Variants in GPBP1L1 observed in about 807,000 individuals in gnomAD.
The protein encoded by GPBP1L1 is GC-rich promoter binding protein 1 like 1, also known as vasculin-like protein 1.
Under a neutral mutation model 52.5 loss-of-function variants are expected in GPBP1L1, and 23 were observed. That is an observed-to-expected ratio of 0.44 (90% CI 0.32 to 0.62). The LOEUF is 0.62. Among genes scored for constraint, GPBP1L1 ranks in the 20% least tolerant of loss-of-function variants. The pLI is 0.06. For missense variants in GPBP1L1, 596 were observed against 579.3 expected (o/e 1.03, Z -0.30); for synonymous variants, 243 against 203.1 (o/e 1.20, Z -1.67).
chr1:45,667,195 T>A (rs867296087), intron 2 of GPBP1L1, among the ~76,000 whole-genome samples: 33 of 152,348 alleles, frequency 2.2e-4, no homozygotes, highest in African/African-American at 7.5e-4. Context: ...TGGTAAATCT[T>A]GTATTTTCCC....
intron 4 of GPBP1L1, among the ~76,000 whole-genome samples, chr1:45,658,431 T>G (rs1002703599): frequency 4.6e-5 from 7 of 152,000 alleles, no homozygotes; most frequent in African/African-American, 1.7e-4. Flanking sequence ...AACTGTGTCA[T>G]GTAATGAGAA....
At chr1:45,653,232 T>A (rs921729282) in intron 6 of GPBP1L1, among the ~76,000 whole-genome samples, 1 of 152,194 alleles carries the variant, frequency 6.6e-6, no homozygotes, top group African/African-American at 2.4e-5. Context: ...GACTGATCGA[T>A]GTGCTACTTA....
chr1:45,634,692 G>T (rs12091360), intron 8 of GPBP1L1: 1,779 of 153,126 alleles, frequency 0.012, 26 homozygotes, highest in African/African-American at 0.037. Context: ...TCACAAAATT[G>T]CTGCTTTCCA....
intron 7 of GPBP1L1, chr1:45,641,923 C>A (rs1230470876): frequency 6.6e-6 from 1 of 152,376 alleles, no homozygotes. Context: ...GTGGCTCATG[C>A]CTGTAATCCC....
intron 10 of GPBP1L1, chr1:45,630,877 C>A: frequency 2.5e-6 from 1 of 395,926 alleles, no homozygotes; most frequent in African/African-American, 2.0e-5. Context: ...CAAGACTTAC[C>A]ACAAAAGCTG....
intron 6 of GPBP1L1, chr1:45,645,784 A>AG: frequency 4.5e-6 from 1 of 220,040 alleles, no homozygotes; most frequent in Non-Finnish European, 8.5e-6. Flanking sequence ...TTTTTTTTTG[A>AG]GGCATTTTAT....
Position 45,635,370 on chromosome 1 carries a change from T to C in GPBP1L1, c.745-1134A>G, listed in dbSNP as rs768065159. On this transcript the variant is annotated intron_variant, in intron 8 of 12. Transcript: ENST00000355105. ...TGCATTGATAAAAATCTAAAGATGGTTGCTTGTGTCAGGTTAACTCTCAAA... is the reference window on the plus strand; with the variant it reads ...TGCATTGATAAAAATCTAAAGATGGCTGCTTGTGTCAGGTTAACTCTCAAA... 2.4e-4 allele frequency: 37 copies of C among 152,224 alleles called. 1 individual carries two copies. The highest frequency in any genetic ancestry group is 3.4e-3 in the Middle Eastern group (1 of 294). The allele number at this position is 152,224 out of a possible 1,614,324, so 9.4% of individuals were successfully genotyped here. A position where few individuals can be genotyped will look rare whatever the true frequency, so the allele number is the denominator to read the frequency against.
chr1:45,666,335 G>A (rs1458246020), intron 2 of GPBP1L1, among the ~76,000 whole-genome samples: 5 of 151,948 alleles, frequency 3.3e-5, no homozygotes, highest in Non-Finnish European at 7.4e-5. Context: ...TAGTAGAGAC[G>A]GGGTTTCACC....
intron 6 of GPBP1L1, among the ~76,000 whole-genome samples, chr1:45,653,702 C>CTT (rs143229482): frequency 6.3e-5 from 9 of 143,092 alleles, no homozygotes; most frequent in African/African-American, 1.6e-4. Context: ...TCTTTTTTTT[C>CTT]TTTTTTTTTT....
At chr1:45,637,143 ACT>A (rs1162210105) in intron 8 of GPBP1L1, among the ~76,000 whole-genome samples, 2 of 152,160 alleles carry the variant, frequency 1.3e-5, no homozygotes, top group South Asian at 2.1e-4. Flanking sequence ...TTTTCAAATA[ACT>A]CTTTCTTCAC....
chr1:45,659,398 A>G (rs1018688338), intron 3 of GPBP1L1, among the ~76,000 whole-genome samples: 1 of 152,210 alleles, frequency 6.6e-6, no homozygotes, highest in African/African-American at 2.4e-5. Flanking sequence ...GGGTCTTGCT[A>G]TGTTGCCCAG....
rs200652331 is a variant in GPBP1L1, at chr1:45,645,761, G to GTTTT, written c.478-3266_478-3263dup. On this transcript the variant is annotated intron_variant, in intron 6 of 12. Coordinates refer to ENST00000355105, the MANE Select transcript of GPBP1L1 (RefSeq NM_021639.5). ...AAAGTCTTGGGAACGATATTCCGAA[G>GTTTT]TTTTTTGTTTTTTTTTTTTTTGAGG... is the stretch of plus-strand genomic sequence containing the variant. The GTTTT allele has an allele frequency of 3.1e-4, 94 of 304,814 alleles. 2 individuals carry two copies. Among genetic ancestry groups the GTTTT allele is most frequent in the South Asian group, 8.3e-4 (31 of 37,496 alleles). 18.9% of individuals were successfully genotyped at this position (304,814 alleles called of 1,614,324 possible).
rs192654627 is a variant in GPBP1L1, at chr1:45,633,107, C to T, written c.1044+382G>A. The stretch of plus-strand genomic sequence containing the variant: ...ACTTTGGAAGACAGTTTGGTGGTTT[C>T]CTGACAAGCTAAACATGCTCTTACC... On this transcript the variant is annotated intron_variant, in intron 10 of 12. Transcript: ENST00000355105. 2.8e-3 allele frequency among the ~76,000 whole-genome samples: 425 copies of T among 152,246 alleles called. 2 individuals are homozygous for T. Among genetic ancestry groups the T allele is most frequent in the African/African-American group, 9.2e-3 (384 of 41,538 alleles).
chr1:45,671,288 C>T (rs567717687), intron 2 of GPBP1L1, among the ~76,000 whole-genome samples: 1 of 146,802 alleles, frequency 6.8e-6, no homozygotes, highest in African/African-American at 2.5e-5. Context: ...CAGCTCACTG[C>T]AACCTCTGCC....
chr1:45,630,036 C>T (rs952504347), intron 11 of GPBP1L1, among the ~76,000 whole-genome samples: 1 of 152,048 alleles, frequency 6.6e-6, no homozygotes, highest in East Asian at 1.9e-4. Context: ...CTGCAACCTC[C>T]GCCTCCCGGG....
At chr1:45,630,696 G>C in intron 10 of GPBP1L1, 90 bp from the exon 11 acceptor site, 2 of 1,447,134 alleles carry the variant, frequency 1.4e-6, no homozygotes, top group Non-Finnish European at 1.9e-6. Context: ...CACGACCCAG[G>C]AAGTGTTTTC....
At chr1:45,634,021 C>T (rs1644563470) in intron 9 of GPBP1L1, 75 bp downstream of exon 9, 2 of 1,381,096 alleles carry the variant, frequency 1.4e-6, no homozygotes, top group East Asian at 2.3e-5. Context: ...CACAGCTATA[C>T]ATATTACACT....
chr1:45,654,452 A>T, intron 6 of GPBP1L1, 91 bp downstream of exon 6: 1 of 1,209,500 alleles, frequency 8.3e-7, no homozygotes, highest in Non-Finnish European at 1.1e-6. Flanking sequence ...CTTTTTCTGT[A>T]ATTTCTGAAA....
chr1:45,680,788 T>TA (rs1052509988), intron 2 of GPBP1L1, among the ~76,000 whole-genome samples: 6 of 150,682 alleles, frequency 4.0e-5, no homozygotes, highest in East Asian at 2.0e-4. Context: ...TATAAAGTGT[T>TA]AAGAGTAATG....
Sources: gnomAD v4.1 joint callset for allele counts (sites outside exome capture counted in the v4.1 genomes callset) on GRCh38, gnomAD v4.1.1 for gene constraint, MANE v1.5 for transcripts, NCBI Gene and HGNC (gene_info 2026-07-23, HGNC 2026-07-21) for gene names.